SLC11A2: variants seen among roughly 807,000 people sequenced by gnomAD.
SLC11A2 encodes the protein natural resistance-associated macrophage protein 2.
A neutral mutation model predicts 68.0 loss-of-function variants in SLC11A2; 38 were observed. The ratio of observed to expected loss-of-function variants is 0.56; its 90% CI spans 0.43 to 0.73. The LOEUF (loss-of-function observed/expected upper bound fraction) is 0.73. SLC11A2 is among the 30% of genes least tolerant of loss of function. SLC11A2 has a pLI of 0.00. For missense variants in SLC11A2, 517 were observed against 690.5 expected, an observed-to-expected ratio of 0.75 and a Z score of 2.82; for synonymous variants, 242 against 250.6, an observed-to-expected ratio of 0.97 and a Z score of 0.32.
intron 5 of SLC11A2, among the ~76,000 whole-genome samples, chr12:51,003,530 C>A (rs1465164637): frequency 1.4e-5 from 2 of 148,108 alleles, no homozygotes; most frequent in Non-Finnish European, 3.0e-5. Context: ...CCAGCCTGGG[C>A]AACAGAGTGA....
intron 14 of SLC11A2, chr12:50,991,387 G>A: frequency 1.7e-6 from 1 of 594,242 alleles, no homozygotes; most frequent in Middle Eastern, 4.5e-4. Context: ...TGTAAAAGCT[G>A]AACTTTCTCT....
At chr12:51,011,287 C>A (rs553070616) in intron 1 of SLC11A2, among the ~76,000 whole-genome samples, 7 of 151,966 alleles carry the variant, frequency 4.6e-5, no homozygotes, top group African/African-American at 1.2e-4. Flanking sequence ...CGCCACCACG[C>A]CCAGCCAATT....
At chr12:51,003,051 C>G (rs1261923494) in intron 5 of SLC11A2, among the ~76,000 whole-genome samples, 3 of 151,946 alleles carry the variant, frequency 2.0e-5, no homozygotes, top group African/African-American at 7.3e-5. Flanking sequence ...GCCTGGCCAA[C>G]ATGGTGAAAC....
chr12:51,006,844 C>A (rs224591), intron 3 of SLC11A2, among the ~76,000 whole-genome samples: 112,696 of 151,902 alleles, frequency 0.74, 42,150 homozygotes, highest in East Asian at 0.87. Flanking sequence ...CTTAAGCAAT[C>A]CTCCCACTTC....
At chr12:51,025,850 T>A in intron 1 of SLC11A2, 1 of 988,448 alleles carries the variant, frequency 1.0e-6, no homozygotes, top group Non-Finnish European at 1.2e-6. Flanking sequence ...ATGAGTCTTT[T>A]GTTGAAGCGG....
chr12:50,968,430 C>T, the SLC11A2 span, among the ~76,000 whole-genome samples: 2 of 151,930 alleles, frequency 1.3e-5, no homozygotes, highest in African/African-American at 2.4e-5. Flanking sequence ...CTCTGTCATC[C>T]GGCTGGCGTG....
chr12:50,971,039 T>C, the SLC11A2 span, among the ~76,000 whole-genome samples: 4 of 152,002 alleles, frequency 2.6e-5, no homozygotes, highest in African/African-American at 9.7e-5. Flanking sequence ...CCACCACCCC[T>C]GGCTAATTTT....
intron 3 of SLC11A2, among the ~76,000 whole-genome samples, chr12:51,006,435 G>C (rs561508616): frequency 9.2e-5 from 14 of 152,270 alleles, no homozygotes; most frequent in African/African-American, 3.1e-4. Context: ...GGCCCTGAAA[G>C]AAATCAAAGT....
chr12:50,991,479 G>T, intron 14 of SLC11A2, 120 bp downstream of exon 14: 1 of 774,000 alleles, frequency 1.3e-6, no homozygotes, highest in Non-Finnish European at 2.3e-6. Context: ...GAAGCAGCTA[G>T]CAATCACCTC....
chr12:51,016,586 G>A (rs889085774), intron 1 of SLC11A2, among the ~76,000 whole-genome samples: 5 of 151,960 alleles, frequency 3.3e-5, no homozygotes, highest in Non-Finnish European at 5.9e-5. Context: ...GGAGGCTGAG[G>A]CAGGAGATTC....
the SLC11A2 span, among the ~76,000 whole-genome samples, chr12:50,956,483 G>C: frequency 6.6e-6 from 1 of 152,196 alleles, no homozygotes; most frequent in African/African-American, 2.4e-5. Flanking sequence ...CTACAGGATG[G>C]AGGGTCCTAT....
At chr12:51,004,297 T>C (rs1284299580) in intron 5 of SLC11A2, among the ~76,000 whole-genome samples, 3 of 152,196 alleles carry the variant, frequency 2.0e-5, no homozygotes, top group Admixed American at 1.3e-4. Context: ...GAGGACAGTG[T>C]AGCCCCCGGT....
intron 1 of SLC11A2, among the ~76,000 whole-genome samples, chr12:51,015,785 A>G (rs1460746299): frequency 6.6e-6 from 1 of 152,184 alleles, no homozygotes. Flanking sequence ...CCTAACCATA[A>G]AGTGTCACCT....
the SLC11A2 span, among the ~76,000 whole-genome samples, chr12:50,963,390 A>G: frequency 7.3e-6 from 1 of 137,846 alleles, no homozygotes; most frequent in African/African-American, 2.6e-5. Context: ...AAAAAAAAAA[A>G]AAAGAAAAGA....
At chr12:50,966,624 A>G in the SLC11A2 span, among the ~76,000 whole-genome samples, 1 of 152,196 alleles carries the variant, frequency 6.6e-6, no homozygotes, top group African/African-American at 2.4e-5. Context: ...AAGTTCTGGC[A>G]TTTCAATTTC....
rs1192115178 is a variant in SLC11A2 at position 51,005,363 on chromosome 12, TCCAGG to T, written c.252_256del (p.Tyr84Ter). Reference sequence around the variant, plus strand: ...CAAATCGGATTCAATATTTCCTGGATCCAGGTAGGCAATGCTCATAAGAAAACCTG... The same window carrying T: ...CAAATCGGATTCAATATTTCCTGGATTAGGCAATGCTCATAAGAAAACCTG... On this transcript the variant is annotated stop_gained and frameshift_variant, in exon 4 of 16. Coordinates refer to ENST00000262052, the MANE Select transcript of SLC11A2 (RefSeq NM_000617.3). LOFTEE classifies it high-confidence loss of function. 6.2e-7 allele frequency: 1 copy of T among 1,613,970 alleles called. No individual in the cohort carries two copies.
intron 1 of SLC11A2, among the ~76,000 whole-genome samples, chr12:51,014,570 G>A (rs915090624): frequency 6.6e-6 from 1 of 152,182 alleles, no homozygotes; most frequent in East Asian, 1.9e-4. Context: ...TAAAACTTGG[G>A]GCCGGAGGCG....
rs1941219155 is a variant in SLC11A2, at chr12:50,992,179, TTCC to T, written c.1347+8_1347+10del. The T allele has an allele frequency of 6.2e-7, 1 of 1,613,816 alleles. No homozygotes were observed. Among genetic ancestry groups the T allele is most frequent in the Non-Finnish European group, 8.5e-7 (1 of 1,179,796 alleles). On this transcript the variant is annotated splice_region_variant and intron_variant, in intron 13 of 15. Coordinates refer to ENST00000262052, the MANE Select transcript of SLC11A2 (RefSeq NM_000617.3). ...AATAACTAGGATGTGTTTCCTCAGC[TTCC>T]TCCTCACCTGTAAGCTCTGTAGAAC... is the stretch of plus-strand genomic sequence containing the variant.
At chr12:51,026,482 A>G (rs1025165532), upstream of SLC11A2, 2 of 649,040 alleles carry the variant, frequency 3.1e-6, no homozygotes, top group Non-Finnish European at 4.7e-6. Context: ...CGTGGCCCGC[A>G]GACCAGGGAC....
Sources: gnomAD v4.1 joint callset for allele counts (sites outside exome capture counted in the v4.1 genomes callset) on GRCh38, gnomAD v4.1.1 for gene constraint, MANE v1.5 for transcripts, NCBI Gene and HGNC (gene_info 2026-07-23, HGNC 2026-07-21) for gene names.